The following SCAPER variants were observed in gnomAD, a reference collection of about 807,000 sequenced individuals.
The protein encoded by SCAPER is S phase cyclin A-associated protein in the endoplasmic reticulum.
SCAPER carries 98 observed loss-of-function variants against 182.2 expected under a neutral mutation model. The ratio of observed to expected loss-of-function variants is 0.54; its 90% CI spans 0.46 to 0.64. The LOEUF (loss-of-function observed/expected upper bound fraction) is 0.64. Ranked by LOEUF, SCAPER falls within the 30% of genes least tolerant of loss-of-function variation. SCAPER has a pLI of 0.00. For synonymous variants in SCAPER, 605 were observed against 564.6 expected, an observed-to-expected ratio of 1.07 and a Z score of -1.01; for missense variants, 1,432 against 1,690.0, an observed-to-expected ratio of 0.85 and a Z score of 2.68.
At chr15:76,488,714 CTTTTTTTTTTTTTT>C (rs71143333) in intron 24 of SCAPER, among the ~76,000 whole-genome samples, 8 of 93,144 alleles carry the variant, frequency 8.6e-5, no homozygotes, top group South Asian at 4.3e-4. Context: ...AGTACACTGC[CTTTTTTTTTTTTTT>C]TTTTTTTTTT....
At chr15:76,685,417 T>C (rs1195103052) in intron 20 of SCAPER, among the ~76,000 whole-genome samples, 1 of 152,064 alleles carries the variant, frequency 6.6e-6, no homozygotes, top group Non-Finnish European at 1.5e-5. Context: ...AACCTCAATC[T>C]ACAGACAAGT....
At chr15:76,657,022 G>T (rs2055705924) in intron 21 of SCAPER, among the ~76,000 whole-genome samples, 1 of 151,850 alleles carries the variant, frequency 6.6e-6, no homozygotes, top group Non-Finnish European at 1.5e-5. Flanking sequence ...CAAAGCTAGT[G>T]GAAGACAAGA....
At chr15:76,711,998 A>G (rs1421653098) in intron 17 of SCAPER, among the ~76,000 whole-genome samples, 5 of 152,168 alleles carry the variant, frequency 3.3e-5, no homozygotes, top group Non-Finnish European at 7.3e-5. Flanking sequence ...TGTTTTAGAC[A>G]TGAAGTCCTT....
chr15:76,802,319 CT>C (rs891670540), intron 6 of SCAPER, among the ~76,000 whole-genome samples: 8 of 151,938 alleles, frequency 5.3e-5, no homozygotes, highest in Non-Finnish European at 1.0e-4. Flanking sequence ...AATCTATTCC[CT>C]TTTTTTTCCC....
chr15:76,848,423 T>A (rs940381184), intron 4 of SCAPER, among the ~76,000 whole-genome samples: 1 of 149,692 alleles, frequency 6.7e-6, no homozygotes, highest in African/African-American at 2.5e-5. Context: ...AAGCTCTGCC[T>A]CCCAGGTTCA....
At chr15:76,853,969 T>G (rs2071055446) in intron 4 of SCAPER, among the ~76,000 whole-genome samples, 1 of 152,178 alleles carries the variant, frequency 6.6e-6, no homozygotes, top group South Asian at 2.1e-4. Flanking sequence ...CAGCAAAGTT[T>G]CAGGATATAA....
chr15:76,691,572 T>A (rs191956867), intron 20 of SCAPER, among the ~76,000 whole-genome samples: 3 of 152,136 alleles, frequency 2.0e-5, no homozygotes, highest in African/African-American at 4.8e-5. Flanking sequence ...AGCAAGACGA[T>A]AGAGAATAAT....
intron 27 of SCAPER, among the ~76,000 whole-genome samples, chr15:76,390,602 C>G (rs1475399521): frequency 2.0e-5 from 3 of 152,166 alleles, no homozygotes. Flanking sequence ...AGATATGCTC[C>G]TAGATCTTGG....
chr15:76,386,943 T>C (rs1182123156), intron 27 of SCAPER, among the ~76,000 whole-genome samples: 1 of 152,218 alleles, frequency 6.6e-6, no homozygotes, highest in Non-Finnish European at 1.5e-5. Flanking sequence ...CAATGAGCAC[T>C]ACAGCTACTG....
intron 20 of SCAPER, among the ~76,000 whole-genome samples, chr15:76,693,461 G>A (rs545798496): frequency 1.3e-5 from 2 of 152,192 alleles, no homozygotes; most frequent in South Asian, 4.1e-4. Context: ...ATCATCATAT[G>A]ATCCAGAAAT....
chr15:76,535,630 A>G (rs1567380163), intron 23 of SCAPER, among the ~76,000 whole-genome samples: 2 of 150,758 alleles, frequency 1.3e-5, no homozygotes, highest in Non-Finnish European at 3.0e-5. Context: ...TGGAAAATTT[A>G]TGTTGCCCAG....
At chr15:76,627,238 G>C (rs569536537) in intron 21 of SCAPER, among the ~76,000 whole-genome samples, 2 of 66,938 alleles carry the variant, frequency 3.0e-5, no homozygotes, top group Non-Finnish European at 7.2e-5. Flanking sequence ...TAAAAAAAGA[G>C]GCTATTTTAC....
intron 21 of SCAPER, among the ~76,000 whole-genome samples, chr15:76,635,457 T>C (rs778724378): frequency 1.3e-5 from 2 of 152,234 alleles, no homozygotes; most frequent in Non-Finnish European, 2.9e-5. Context: ...ATGAATGTTA[T>C]AATGAAACAA....
intron 30 of SCAPER, among the ~76,000 whole-genome samples, chr15:76,351,511 C>T (rs905974692): frequency 1.3e-5 from 2 of 152,144 alleles, no homozygotes; most frequent in Non-Finnish European, 2.9e-5. Context: ...TTGCTGCCTA[C>T]TTTGGAAATT....
At chr15:76,566,576 G>A (rs1241242925) in intron 23 of SCAPER, among the ~76,000 whole-genome samples, 1 of 152,114 alleles carries the variant, frequency 6.6e-6, no homozygotes, top group Admixed American at 6.6e-5. Context: ...AAACCTAAAT[G>A]TAATGCTTAT....
intron 22 of SCAPER, among the ~76,000 whole-genome samples, chr15:76,613,078 A>C (rs762204599): frequency 6.6e-6 from 1 of 152,212 alleles, no homozygotes; most frequent in Non-Finnish European, 1.5e-5. Context: ...ACAGACACAT[A>C]GACCAATGGA....
At chr15:76,370,473 T>C (rs2042094566) in intron 29 of SCAPER, among the ~76,000 whole-genome samples, 1 of 151,792 alleles carries the variant, frequency 6.6e-6, no homozygotes, top group Non-Finnish European at 1.5e-5. Context: ...CCTGACTGAT[T>C]TTTGTATTTT....
chr15:76,450,935 C>T (rs1567165213), intron 25 of SCAPER, among the ~76,000 whole-genome samples: 4 of 152,186 alleles, frequency 2.6e-5, no homozygotes, highest in Non-Finnish European at 5.9e-5. Flanking sequence ...TTGACATATA[C>T]GCGTCTATGT....
chr15:76,576,390 G>A (rs1419884994), intron 22 of SCAPER, among the ~76,000 whole-genome samples: 2 of 151,952 alleles, frequency 1.3e-5, no homozygotes, highest in Non-Finnish European at 2.9e-5. Context: ...AACTTCATAG[G>A]TTACAAAATA....
Sources: gnomAD v4.1 joint callset for allele counts (sites outside exome capture counted in the v4.1 genomes callset) on GRCh38, gnomAD v4.1.1 for gene constraint, MANE v1.5 for transcripts, NCBI Gene and HGNC (gene_info 2026-07-23, HGNC 2026-07-21) for gene names.